SYN2: variants seen among roughly 807,000 people sequenced by gnomAD.
SYN2 encodes synapsin II.
SYN2 carries 19 observed loss-of-function variants against 50.9 expected under a neutral mutation model. The observed-to-expected ratio is 0.37, with a 90% CI of 0.26 to 0.55. The LOEUF (loss-of-function observed/expected upper bound fraction) is 0.55, where lower values mean the gene tolerates loss of function less well. SYN2 is among the 20% of genes least tolerant of loss of function. The probability of loss-of-function intolerance (pLI) is 0.81; values close to 1 mark genes in which losing one functional copy is unlikely to be tolerated. For synonymous variants in SYN2, 255 were observed against 224.9 expected (o/e 1.13, Z -1.20); for missense variants, 587 against 576.4 (o/e 1.02, Z -0.19).
rs190281123 is a variant in SYN2 at position 12,191,436 on chromosome 3, C to T, written c.*811C>T. 1.3e-5 allele frequency: 2 copies of T among 153,512 alleles called. No individual in the cohort carries two copies. Among genetic ancestry groups the T allele is most frequent in the East Asian group, 1.9e-4 (1 of 5,184 alleles). 9.5% of individuals were successfully genotyped at this position (153,512 alleles called of 1,614,324 possible). On this transcript the variant is annotated 3_prime_UTR_variant, in exon 13 of 13. Coordinates refer to ENST00000621198, the MANE Select transcript of SYN2 (RefSeq NM_133625.6). ...TGATTCAGCCATGAGGTCTTGACCC[C>T]TTGGCCACCCTTTAGGCTGAGAGAG...
intron 12 of SYN2, among the ~76,000 whole-genome samples, chr3:12,188,617 T>G (rs1489945091): frequency 6.6e-6 from 1 of 152,130 alleles, no homozygotes; most frequent in Non-Finnish European, 1.5e-5. Context: ...AGAAAAATTT[T>G]TTTTTTTCTC....
chr3:12,015,999 G>A (rs1015629643), intron 1 of SYN2, among the ~76,000 whole-genome samples: 7 of 152,256 alleles, frequency 4.6e-5, no homozygotes, highest in African/African-American at 1.4e-4. Flanking sequence ...CTTGGGCTTC[G>A]TGAGAGGAAA....
At chr3:12,040,409 C>T (rs930128591) in intron 1 of SYN2, among the ~76,000 whole-genome samples, 6 of 147,864 alleles carry the variant, frequency 4.1e-5, no homozygotes, top group African/African-American at 1.2e-4. Flanking sequence ...ACAGCATCAA[C>T]GGTATTGGCA....
chr3:12,157,949 C>G (rs1047358770), intron 5 of SYN2, among the ~76,000 whole-genome samples: 2 of 152,188 alleles, frequency 1.3e-5, no homozygotes, highest in Admixed American at 1.3e-4. Flanking sequence ...GCATCTCTTG[C>G]CATTTGAGCA....
At chr3:12,147,423 C>T (rs1214926785) in intron 4 of SYN2, among the ~76,000 whole-genome samples, 2 of 152,192 alleles carry the variant, frequency 1.3e-5, no homozygotes, top group Non-Finnish European at 2.9e-5. Flanking sequence ...TCAGCCTTTC[C>T]TTCTGCGTGG....
At chr3:12,164,138 G>A (rs971238261) in intron 7 of SYN2, among the ~76,000 whole-genome samples, 4 of 151,996 alleles carry the variant, frequency 2.6e-5, no homozygotes, top group Non-Finnish European at 4.4e-5. Flanking sequence ...GCTAAAAGAA[G>A]CAAAAAAATA....
At chr3:12,169,710 T>C (rs1697893741) in intron 9 of SYN2, 47 bp from the exon 10 acceptor site, 1 of 1,605,714 alleles carries the variant, frequency 6.2e-7, no homozygotes, top group Admixed American at 1.7e-5. Flanking sequence ...ACCAGGCCAT[T>C]TATGTTTCCA....
intron 5 of SYN2, chr3:12,156,669 G>A: frequency 1.7e-6 from 1 of 586,630 alleles, no homozygotes. Flanking sequence ...TAACCCAGAG[G>A]TTGTCTGTCA....
intron 1 of SYN2, among the ~76,000 whole-genome samples, chr3:12,089,633 G>A (rs1695782671): frequency 6.6e-6 from 1 of 152,190 alleles, no homozygotes; most frequent in Admixed American, 6.5e-5. Context: ...AACATAGTGA[G>A]ATATTATATT....
chr3:12,158,748 G>T, intron 5 of SYN2: 1 of 1,608,516 alleles, frequency 6.2e-7, no homozygotes. Context: ...CCGGGGCGCA[G>T]CTGCATGCCT....
At chr3:12,074,545 ATTC>A (rs1366724237) in intron 1 of SYN2, among the ~76,000 whole-genome samples, 2 of 152,162 alleles carry the variant, frequency 1.3e-5, no homozygotes, top group African/African-American at 4.8e-5. Flanking sequence ...CAAATTCTTT[ATTC>A]TTCTCCAAAA....
intron 1 of SYN2, among the ~76,000 whole-genome samples, chr3:12,050,816 A>G (rs1347245603): frequency 3.0e-5 from 4 of 133,612 alleles, no homozygotes; most frequent in Admixed American, 2.8e-4. Flanking sequence ...GCTCACTGCA[A>G]GCTCCGCTTC....
chr3:12,093,293 T>C (rs1411559996), intron 1 of SYN2, among the ~76,000 whole-genome samples: 1 of 152,208 alleles, frequency 6.6e-6, no homozygotes, highest in Non-Finnish European at 1.5e-5. Context: ...TGTGGGTTTT[T>C]AATCAAAGAA....
intron 1 of SYN2, among the ~76,000 whole-genome samples, chr3:12,075,772 A>G (rs1438794068): frequency 6.6e-6 from 1 of 152,170 alleles, no homozygotes; most frequent in Non-Finnish European, 1.5e-5. Flanking sequence ...AGGAGTACAT[A>G]AATGCTTTTT....
chr3:12,070,207 G>T (rs1468792555), intron 1 of SYN2: 3 of 388,248 alleles, frequency 7.7e-6, no homozygotes, highest in African/African-American at 6.3e-5. Flanking sequence ...CTGCCGCCCT[G>T]CTCCTCCGCC....
At chr3:12,092,408 T>C (rs1417093341) in intron 1 of SYN2, among the ~76,000 whole-genome samples, 1 of 152,162 alleles carries the variant, frequency 6.6e-6, no homozygotes, top group Admixed American at 6.5e-5. Flanking sequence ...TGAGAGCAAT[T>C]AACCTCTCAT....
intron 1 of SYN2, among the ~76,000 whole-genome samples, chr3:12,060,037 T>C (rs968720472): frequency 1.3e-5 from 2 of 152,148 alleles, no homozygotes; most frequent in African/African-American, 4.8e-5. Context: ...CCCTAAAATA[T>C]GGAAAGACAA....
chr3:12,116,918 T>A (rs1243036345), intron 1 of SYN2, among the ~76,000 whole-genome samples: 1 of 152,130 alleles, frequency 6.6e-6, no homozygotes, highest in African/African-American at 2.4e-5. Flanking sequence ...CCCAGCTAAT[T>A]TTTTATTTTT....
rs7650513 is a variant in SYN2, at chr3:12,145,584, C to A, written c.528-95C>A. 9,279 of 1,407,270 alleles carry A rather than the reference C, an allele frequency of 6.6e-3. 506 individuals are homozygous for A. The African/African-American group carries it at 0.11, about 17-fold the overall frequency. The allele number at this position is 1,407,270 out of a possible 1,614,324, so 87.2% of individuals were successfully genotyped here. A position where few individuals can be genotyped will look rare whatever the true frequency, so the allele number is the denominator to read the frequency against. On this transcript the variant is annotated intron_variant, in intron 3 of 12. Coordinates refer to ENST00000621198, the MANE Select transcript of SYN2 (RefSeq NM_133625.6). ...GGCTTGGACTAGGTGGTTCCTAAGC[C>A]CTCTTCTTTATCTTGGGTTTTGGAA...
Sources: allele counts gnomAD v4.1 joint callset (sites outside exome capture counted in the v4.1 genomes callset), GRCh38; gene constraint gnomAD v4.1.1; transcripts MANE v1.5; gene names NCBI Gene and HGNC (gene_info 2026-07-23, HGNC 2026-07-21).